Variants in THRB observed in about 807,000 individuals in gnomAD.
THRB encodes thyroid hormone receptor beta.
Under a neutral mutation model 47.8 loss-of-function variants are expected in THRB, and 12 were observed. The observed-to-expected ratio is 0.25, with a 90% CI of 0.16 to 0.41. The LOEUF is 0.41. THRB is among the 10% of genes least tolerant of loss of function. The pLI is 1.00. For missense variants in THRB, 348 were observed against 589.2 expected (o/e 0.59, Z 4.24); for synonymous variants, 218 against 212.2 (o/e 1.03, Z -0.24).
chr3:24,408,985 T>C (rs1369996812), intron 1 of THRB, among the ~76,000 whole-genome samples: 1 of 116,314 alleles, frequency 8.6e-6, no homozygotes, highest in East Asian at 2.0e-4. Context: ...TGAAAAAAAT[T>C]TTTTTGGTAT....
intron 4 of THRB, among the ~76,000 whole-genome samples, chr3:24,228,569 G>A: frequency 6.6e-6 from 1 of 151,002 alleles, no homozygotes; most frequent in East Asian, 1.9e-4. Context: ...GGAGGTTGGG[G>A]CTGCAGTAAA....
intron 3 of THRB, among the ~76,000 whole-genome samples, chr3:24,258,540 A>G (rs1368665905): frequency 1.3e-5 from 2 of 152,108 alleles, no homozygotes. Context: ...CATCTCACCT[A>G]TGATAGCTTT....
intron 4 of THRB, among the ~76,000 whole-genome samples, chr3:24,214,024 G>A (rs1292772073): frequency 6.6e-6 from 1 of 152,162 alleles, no homozygotes; most frequent in Non-Finnish European, 1.5e-5. Context: ...TGCACATTCT[G>A]TTATTTCTTT....
At chr3:24,217,811 G>C (rs1357002413) in intron 4 of THRB, among the ~76,000 whole-genome samples, 2 of 152,148 alleles carry the variant, frequency 1.3e-5, no homozygotes, top group Non-Finnish European at 2.9e-5. Context: ...ACTGATGCCT[G>C]TTAAAAAATT....
chr3:24,370,453 T>C (rs185056984), intron 1 of THRB, among the ~76,000 whole-genome samples: 2 of 152,022 alleles, frequency 1.3e-5, no homozygotes, highest in East Asian at 3.9e-4. Context: ...GTGTGTGAGG[T>C]GTGCACATGA....
At chr3:24,418,061 T>C (rs1313012256) in intron 1 of THRB, among the ~76,000 whole-genome samples, 6 of 151,834 alleles carry the variant, frequency 4.0e-5, no homozygotes, top group African/African-American at 1.4e-4. Context: ...CTCATAATCT[T>C]TTTTCCTTCC....
chr3:24,351,320 C>G (rs1478261809), intron 1 of THRB, among the ~76,000 whole-genome samples: 2 of 151,970 alleles, frequency 1.3e-5, no homozygotes, highest in Non-Finnish European at 2.9e-5. Context: ...GATATAATAC[C>G]CTTACTTTGT....
At chr3:24,298,739 C>A (rs890803500) in intron 2 of THRB, among the ~76,000 whole-genome samples, 4 of 152,174 alleles carry the variant, frequency 2.6e-5, no homozygotes, top group African/African-American at 9.7e-5. Flanking sequence ...GTTCCTCTTA[C>A]ATGGAAGGCC....
intron 1 of THRB, among the ~76,000 whole-genome samples, chr3:24,350,691 T>C (rs1011919321): frequency 1.3e-5 from 2 of 152,180 alleles, no homozygotes; most frequent in African/African-American, 4.8e-5. Flanking sequence ...TTTTTGCTTC[T>C]TGTCAGTATT....
rs1360367092 is a variant in THRB at position 24,299,766 on chromosome 3, C to CTTTTTTTTTTTTTTTTTTTTT, written c.-188-2396_-188-2395insAAAAAAAAAAAAAAAAAAAAA. Among the ~76,000 whole-genome samples the CTTTTTTTTTTTTTTTTTTTTT allele has an allele frequency of 1.7e-4, 10 of 58,570 alleles. 5 individuals are homozygous for CTTTTTTTTTTTTTTTTTTTTT. The highest frequency in any genetic ancestry group is 8.1e-4 in the African/African-American group (10 of 12,368). 38.4% of individuals were successfully genotyped at this position (58,570 alleles called of 152,430 possible). A position where few individuals can be genotyped will look rare whatever the true frequency, so the allele number is the denominator to read the frequency against. ...GCCTTGAGGCTTCTGGGGAAGTATGCTTTTTTATTTATTTATTTATTTATT... is the reference window on the plus strand; with the variant it reads ...GCCTTGAGGCTTCTGGGGAAGTATGCTTTTTTTTTTTTTTTTTTTTTTTTTTTATTTATTTATTTATTTATT... On this transcript the variant is annotated intron_variant, in intron 2 of 10. Transcript: ENST00000646209.
intron 3 of THRB, among the ~76,000 whole-genome samples, chr3:24,238,278 T>TGGGG (rs67450132): frequency 3.3e-5 from 1 of 29,964 alleles, no homozygotes; most frequent in African/African-American, 8.7e-5. Flanking sequence ...TGTGTGTGTG[T>TGGGG]GGGGGGGGGG....
intron 6 of THRB, among the ~76,000 whole-genome samples, chr3:24,147,399 T>C (rs1173431368): frequency 6.6e-6 from 1 of 152,250 alleles, no homozygotes; most frequent in Non-Finnish European, 1.5e-5. Context: ...ACTTAGCCTT[T>C]CAAACAATAG....
chr3:24,254,264 G>A (rs1329588750), intron 3 of THRB, among the ~76,000 whole-genome samples: 16 of 144,284 alleles, frequency 1.1e-4, no homozygotes, highest in Admixed American at 5.6e-4. Flanking sequence ...GCATGGTGGC[G>A]GATGTCTGTA....
intron 1 of THRB, among the ~76,000 whole-genome samples, chr3:24,386,480 C>T (rs954795254): frequency 2.0e-5 from 3 of 152,058 alleles, no homozygotes; most frequent in African/African-American, 7.2e-5. Flanking sequence ...AAACCCCAAC[C>T]CCTTAGCTTG....
intron 2 of THRB, among the ~76,000 whole-genome samples, chr3:24,311,294 G>T (rs1279967075): frequency 6.6e-6 from 1 of 152,172 alleles, no homozygotes; most frequent in African/African-American, 2.4e-5. Context: ...CAGTTAACTA[G>T]AAGATGCAAT....
intron 4 of THRB, among the ~76,000 whole-genome samples, chr3:24,216,617 A>T (rs957559885): frequency 4.6e-5 from 7 of 152,130 alleles, no homozygotes; most frequent in African/African-American, 7.2e-5. Flanking sequence ...CAAAAAAAAA[A>T]ATATATGAAT....
At chr3:24,215,697 T>G (rs1466704281) in intron 4 of THRB, among the ~76,000 whole-genome samples, 2 of 152,226 alleles carry the variant, frequency 1.3e-5, no homozygotes, top group Non-Finnish European at 2.9e-5. Flanking sequence ...ACAGCTAGAC[T>G]GCATTTCCCA....
intron 1 of THRB, among the ~76,000 whole-genome samples, chr3:24,352,070 A>T (rs1414723484): frequency 6.6e-6 from 1 of 152,142 alleles, no homozygotes; most frequent in Non-Finnish European, 1.5e-5. Flanking sequence ...AGTTTCCTTT[A>T]TCTCTCTTTT....
At chr3:24,126,718 G>T (rs2032893845) in intron 10 of THRB, among the ~76,000 whole-genome samples, 1 of 152,220 alleles carries the variant, frequency 6.6e-6, no homozygotes, top group Admixed American at 6.5e-5. Context: ...CCCTGAAAGG[G>T]TTTGATGTGT....
Sources: allele counts gnomAD v4.1 joint callset (sites outside exome capture counted in the v4.1 genomes callset), GRCh38; gene constraint gnomAD v4.1.1; transcripts MANE v1.5; gene names NCBI Gene and HGNC (gene_info 2026-07-23, HGNC 2026-07-21).